DRC11L: variants seen among roughly 807,000 people sequenced by gnomAD.
The protein encoded by DRC11L is dynein regulatory complex subunit 11 like.
the DRC11L span, chr7:151,195,808 C>G: frequency 7.6e-6 from 3 of 394,128 alleles, no homozygotes; most frequent in East Asian, 7.2e-5. Flanking sequence ...GCCCTGATGC[C>G]TTCCCGAACA....
the DRC11L span, chr7:151,192,427 G>T: frequency 2.5e-6 from 1 of 399,388 alleles, no homozygotes; most frequent in African/African-American, 2.1e-5. Context: ...CCTTGGTGAG[G>T]TCCTTCTTTA....
chr7:151,201,501 T>C, the DRC11L span, among the ~76,000 whole-genome samples: 1 of 152,216 alleles, frequency 6.6e-6, no homozygotes, highest in Non-Finnish European at 1.5e-5. The surrounding 1 kb of genome is among the most constrained non-coding windows in gnomAD (Gnocchi z 4.1). Context: ...ATTGACACAG[T>C]CATCCTGCCT....
the DRC11L span, among the ~76,000 whole-genome samples, chr7:151,200,896 G>A: frequency 6.6e-6 from 1 of 152,192 alleles, no homozygotes; most frequent in African/African-American, 2.4e-5. Context: ...AACTGAGGCC[G>A]GAGACTGGAC....
At chr7:151,192,776 ATTC>A in the DRC11L span, 1 of 399,126 alleles carries the variant, frequency 2.5e-6, no homozygotes, top group Non-Finnish European at 4.4e-6. Flanking sequence ...TCTTATAGAA[ATTC>A]TTCTCAGCAT....
chr7:151,199,794 A>C, the DRC11L span, among the ~76,000 whole-genome samples: 1 of 152,210 alleles, frequency 6.6e-6, no homozygotes, highest in Non-Finnish European at 1.5e-5. This position sits in a 1 kb window ranked among gnomAD's most constrained non-coding sequence, Gnocchi z 5.2. Flanking sequence ...CCCAGGGAGC[A>C]TGCTCCGGCC....
chr7:151,196,383 A>G, the DRC11L span: 7 of 398,942 alleles, frequency 1.8e-5, no homozygotes, highest in Non-Finnish European at 3.1e-5. Flanking sequence ...CTGGCTGGAA[A>G]TGTGGGTTAT....
chr7:151,195,384 T>TCCA, the DRC11L span: 1 of 398,978 alleles, frequency 2.5e-6, no homozygotes, highest in Non-Finnish European at 4.4e-6. Flanking sequence ...TGGGACTTAC[T>TCCA]CCACCACCAC....
the DRC11L span, chr7:151,196,015 T>C: frequency 8.7e-6 from 2 of 231,060 alleles, no homozygotes; most frequent in Admixed American, 1.1e-4. Context: ...GTTTCCCGTG[T>C]GTACCATCAG....
the DRC11L span, chr7:151,199,103 C>T: frequency 7.5e-6 from 3 of 398,186 alleles, no homozygotes; most frequent in Non-Finnish European, 1.3e-5. The surrounding 1 kb of genome is among the most constrained non-coding windows in gnomAD (Gnocchi z 5.2). Flanking sequence ...CCTGTACCCA[C>T]TCCTTCCCCA....
At chr7:151,195,967 C>G in the DRC11L span, 2 of 268,312 alleles carry the variant, frequency 7.5e-6, no homozygotes, top group South Asian at 1.7e-4. Context: ...CCGCTGAGGT[C>G]TTTGTGACCT....
At chr7:151,193,857 A>C in the DRC11L span, among the ~76,000 whole-genome samples, 5 of 150,210 alleles carry the variant, frequency 3.3e-5, no homozygotes, top group Admixed American at 2.7e-4. Context: ...CAGTGAGCTG[A>C]GATTGTGCCA....
chr7:151,200,498 C>T, the DRC11L span: 1 of 399,304 alleles, frequency 2.5e-6, no homozygotes, highest in Non-Finnish European at 4.4e-6. Context: ...ACAGGACACA[C>T]AGTCTCCACC....
chr7:151,204,344 T>C, the DRC11L span, among the ~76,000 whole-genome samples: 2 of 152,148 alleles, frequency 1.3e-5, no homozygotes, highest in Non-Finnish European at 2.9e-5. Flanking sequence ...GGGATATCCG[T>C]GGGGTGGCGG....
the DRC11L span, among the ~76,000 whole-genome samples, chr7:151,201,640 A>C: frequency 6.6e-6 from 1 of 152,122 alleles, no homozygotes; most frequent in Non-Finnish European, 1.5e-5. This position sits in a 1 kb window ranked among gnomAD's most constrained non-coding sequence, Gnocchi z 4.1. Context: ...GGGAAGTTCT[A>C]AGTTTTCTCT....
the DRC11L span, chr7:151,203,436 C>T: frequency 2.5e-6 from 1 of 399,136 alleles, no homozygotes. Flanking sequence ...AGGATCTCGG[C>T]CAGTATCAGC....
chr7:151,196,710 C>T, the DRC11L span, among the ~76,000 whole-genome samples: 2 of 152,228 alleles, frequency 1.3e-5, no homozygotes, highest in Non-Finnish European at 2.9e-5. Context: ...GCCTTGTCCC[C>T]ACCCACCAGC....
At chr7:151,194,544 A>C in the DRC11L span, 2 of 399,000 alleles carry the variant, frequency 5.0e-6, no homozygotes, top group African/African-American at 2.1e-5. Context: ...CTACTGACTC[A>C]CTCTTCCTTA....
At chr7:151,193,550 G>C in the DRC11L span, 5 of 399,278 alleles carry the variant, frequency 1.3e-5, no homozygotes, top group Non-Finnish European at 2.2e-5. Flanking sequence ...ATCAGGGCTG[G>C]AGATGACTGC....
At chr7:151,202,543 C>T in the DRC11L span, among the ~76,000 whole-genome samples, 3 of 152,166 alleles carry the variant, frequency 2.0e-5, no homozygotes, top group Non-Finnish European at 4.4e-5. Flanking sequence ...GATTAAAGTA[C>T]TGACTGGTTT....
Sources: gnomAD v4.1 joint callset for allele counts (sites outside exome capture counted in the v4.1 genomes callset) on GRCh38, gnomAD v4.1.1 for gene constraint, Gnocchi (gnomAD v3.1) non-coding constraint, MANE v1.5 for transcripts, NCBI Gene and HGNC (gene_info 2026-07-23, HGNC 2026-07-21) for gene names.